PTK2: variants seen among roughly 807,000 people sequenced by gnomAD.
PTK2 encodes focal adhesion kinase 1.
In PTK2, 45 loss-of-function variants were observed where a neutral mutation model predicts 150.1. The ratio of observed to expected loss-of-function variants is 0.30; its 90% confidence interval spans 0.24 to 0.38. The LOEUF is 0.38. PTK2 is among the 10% of genes least tolerant of loss of function. PTK2 has a pLI of 1.00. For missense variants in PTK2, 919 were observed against 1,307.3 expected, an observed-to-expected ratio of 0.70 and a Z score of 4.58; for synonymous variants, 432 against 449.2, an observed-to-expected ratio of 0.96 and a Z score of 0.48.
At chr8:140,860,882 A>G (rs899568995) in intron 5 of PTK2, among the ~76,000 whole-genome samples, 1 of 152,238 alleles carries the variant, frequency 6.6e-6, no homozygotes, top group African/African-American at 2.4e-5. Context: ...ACGGAAAAAC[A>G]ACGACATTGC....
In PTK2 at chr8:140,689,273, T is replaced by C. The variant is rs190923927; in HGVS notation, c.2500-2579A>G. Reference sequence around the variant, plus strand: ...TTGTGGGGCCCAAACATCCCAGATATGCTTAAGAAAAAATATTCCAAAACA... The same window carrying C: ...TTGTGGGGCCCAAACATCCCAGATACGCTTAAGAAAAAATATTCCAAAACA... On this transcript the variant is annotated intron_variant, in intron 26 of 31. Coordinates refer to ENST00000522684, the Ensembl canonical transcript of PTK2. Among the ~76,000 whole-genome samples, 531 of 152,298 alleles carry C rather than the reference T, an allele frequency of 3.5e-3. 7 individuals are homozygous for C. The highest frequency in any genetic ancestry group is 0.034 in the Middle Eastern group (10 of 294).
chr8:140,702,500 G>T (rs59194387), intron 25 of PTK2, 70 bp downstream of exon 28: 37 of 1,554,666 alleles, frequency 2.4e-5, no homozygotes, highest in Non-Finnish European at 3.2e-5. Flanking sequence ...GATTACAAGT[G>T]TAAGCCACCA....
chr8:140,844,750 C>T (rs2100124321), intron 7 of PTK2, among the ~76,000 whole-genome samples: 1 of 152,164 alleles, frequency 6.6e-6, no homozygotes, highest in South Asian at 2.1e-4. Context: ...AAGATCTAAG[C>T]ACAGGGTACC....
intron 26 of PTK2, among the ~76,000 whole-genome samples, chr8:140,688,630 C>T (rs1219968002): frequency 1.3e-5 from 2 of 151,946 alleles, no homozygotes; most frequent in East Asian, 1.9e-4. Context: ...TGAGGTGGGG[C>T]GATGGTTTGA....
Position 140,810,110 on chromosome 8 carries a change from A to G in PTK2, c.868-6460T>C, listed in dbSNP as rs891543575. On this transcript the variant is annotated intron_variant, in intron 10 of 31. Coordinates refer to ENST00000522684, the Ensembl canonical transcript of PTK2. ...GGGGGAATGGGTGAGTGGAACTGGC[A>G]AGGAGCAACCTGCTCTCACTACAGG... 4.6e-5 allele frequency among the ~76,000 whole-genome samples: 7 copies of G among 152,314 alleles called. No homozygotes were observed. In the East Asian group the frequency reaches 1.4e-3, roughly 29 times the overall value.
At chr8:140,686,056 A>C (rs2100019599) in intron 27 of PTK2, among the ~76,000 whole-genome samples, 1 of 152,266 alleles carries the variant, frequency 6.6e-6, no homozygotes, top group South Asian at 2.1e-4. Flanking sequence ...ATGTAGCCAC[A>C]AAAAGAATGA....
intron 4 of PTK2, 173 bp downstream of exon 4, chr8:140,879,298 C>A: frequency 1.8e-6 from 1 of 565,106 alleles, no homozygotes; most frequent in South Asian, 4.8e-5. Flanking sequence ...AAAAGCTAGA[C>A]TAGAGGTCTA....
intron 22 of PTK2, chr8:140,734,715 G>A (rs2100051558): frequency 1.9e-6 from 1 of 517,284 alleles, no homozygotes; most frequent in African/African-American, 1.9e-5. Flanking sequence ...TGGCAAAGGA[G>A]TAATTCTCTC....
At chr8:140,974,189 G>A (rs937372664) in intron 1 of PTK2, among the ~76,000 whole-genome samples, 2 of 152,124 alleles carry the variant, frequency 1.3e-5, no homozygotes, top group South Asian at 2.1e-4. Context: ...ACAACTGCTC[G>A]GCGGCCACCC....
At chr8:140,989,264 T>C (rs1588921259) in intron 1 of PTK2, among the ~76,000 whole-genome samples, 1 of 126,988 alleles carries the variant, frequency 7.9e-6, no homozygotes, top group Non-Finnish European at 1.6e-5. Flanking sequence ...AGCAGGGTGA[T>C]ACACCTGTAT....
chr8:140,929,139 G>C (rs1354792325), intron 1 of PTK2, among the ~76,000 whole-genome samples: 2 of 149,388 alleles, frequency 1.3e-5, no homozygotes, highest in Non-Finnish European at 3.0e-5. Flanking sequence ...CTAATTTTTT[G>C]TATTTTTAGT....
intron 1 of PTK2, among the ~76,000 whole-genome samples, chr8:140,981,402 T>C (rs1443392468): frequency 1.3e-5 from 2 of 152,106 alleles, no homozygotes; most frequent in Admixed American, 1.3e-4. Context: ...GGACAGAACC[T>C]GTGGGGCAGG....
chr8:140,916,592 A>G (rs543097166), intron 2 of PTK2, among the ~76,000 whole-genome samples: 10 of 152,352 alleles, frequency 6.6e-5, no homozygotes, highest in African/African-American at 2.4e-4. Context: ...AACACCTTCT[A>G]TCACACTAAC....
At chr8:140,684,523 T>C (rs1402289162) in intron 27 of PTK2, among the ~76,000 whole-genome samples, 1 of 152,142 alleles carries the variant, frequency 6.6e-6, no homozygotes, top group Non-Finnish European at 1.5e-5. Flanking sequence ...AGTTTCAGGG[T>C]ACAAAATCAA....
intron 26 of PTK2, among the ~76,000 whole-genome samples, chr8:140,689,979 G>T (rs2100022133): frequency 6.6e-6 from 1 of 152,130 alleles, no homozygotes; most frequent in African/African-American, 2.4e-5. Flanking sequence ...TTGAGATGGA[G>T]TCTCCCTCTG....
chr8:140,704,620 C>T (rs1320596197), intron 24 of PTK2, among the ~76,000 whole-genome samples: 4 of 152,190 alleles, frequency 2.6e-5, no homozygotes, highest in Non-Finnish European at 5.9e-5. Context: ...AGTTCACTTT[C>T]CATACCAGCC....
intron 7 of PTK2, among the ~76,000 whole-genome samples, chr8:140,837,004 A>G (rs1443589680): frequency 1.1e-4 from 16 of 152,216 alleles, no homozygotes; most frequent in African/African-American, 2.9e-4. Flanking sequence ...CTCTAATGCC[A>G]TATTAGAAAT....
chr8:140,707,456 G>A (rs1398735545), intron 23 of PTK2, among the ~76,000 whole-genome samples: 1 of 152,194 alleles, frequency 6.6e-6, no homozygotes, highest in East Asian at 1.9e-4. Context: ...GTATAGGCTG[G>A]AGTGCAAGGT....
At chr8:140,751,936 T>C (rs2100062951) in intron 17 of PTK2, 1 of 560,468 alleles carries the variant, frequency 1.8e-6, no homozygotes, top group South Asian at 1.4e-5. Context: ...AGCATCAACA[T>C]TAGGATCACT....
Sources: allele counts gnomAD v4.1 joint callset (sites outside exome capture counted in the v4.1 genomes callset), GRCh38; gene constraint gnomAD v4.1.1; transcripts MANE v1.5; gene names NCBI Gene and HGNC (gene_info 2026-07-23, HGNC 2026-07-21).